Variants in PXDNL observed in about 807,000 individuals in gnomAD.
PXDNL encodes peroxidasin like.
PXDNL carries 145 observed loss-of-function variants against 150.8 expected under a neutral mutation model. That is an observed-to-expected ratio of 0.96 (90% CI 0.84 to 1.10). The LOEUF (loss-of-function observed/expected upper bound fraction) is 1.10. PXDNL is among the 50% of genes least tolerant of loss of function. The probability of loss-of-function intolerance (pLI) is 0.00; values close to 1 mark genes in which losing one functional copy is unlikely to be tolerated. For synonymous variants in PXDNL, 757 were observed against 725.7 expected (o/e 1.04, Z -0.69); for missense variants, 2,087 against 1,873.9 (o/e 1.11, Z -2.10).
chr8:51,392,581 A>G (rs1202395835), intron 17 of PXDNL, among the ~76,000 whole-genome samples: 1 of 152,168 alleles, frequency 6.6e-6, no homozygotes, highest in East Asian at 1.9e-4. Flanking sequence ...ATTTTTGTAC[A>G]TTGATTTTGT....
At chr8:51,567,635 T>C (rs57096501) in intron 3 of PXDNL, among the ~76,000 whole-genome samples, 10,779 of 151,846 alleles carry the variant, frequency 0.071, 984 homozygotes, top group African/African-American at 0.22. Context: ...CTCCATCTCT[T>C]TATTTTTAAT....
At chr8:51,746,848 A>G (rs1330005543) in intron 1 of PXDNL, among the ~76,000 whole-genome samples, 1 of 152,142 alleles carries the variant, frequency 6.6e-6, no homozygotes, top group Non-Finnish European at 1.5e-5. Context: ...CAGCCTCCCA[A>G]GTAGCTGGGA....
intron 3 of PXDNL, among the ~76,000 whole-genome samples, chr8:51,576,378 A>G (rs1813054906): frequency 6.6e-6 from 1 of 151,962 alleles, no homozygotes; most frequent in Admixed American, 6.6e-5. Context: ...AAAAGATAAC[A>G]GGAGAATATC....
intron 2 of PXDNL, among the ~76,000 whole-genome samples, chr8:51,614,148 A>G (rs1228039570): frequency 6.6e-6 from 1 of 152,246 alleles, no homozygotes; most frequent in East Asian, 1.9e-4. Context: ...AGAATCTAAG[A>G]ATCTAAGAGC....
intron 3 of PXDNL, among the ~76,000 whole-genome samples, chr8:51,581,140 T>C (rs1813202415): frequency 6.6e-6 from 1 of 152,022 alleles, no homozygotes; most frequent in Non-Finnish European, 1.5e-5. Context: ...GGAAAAGAAA[T>C]CTTGTAGCCT....
chr8:51,485,824 A>C (rs2130185577), intron 5 of PXDNL, among the ~76,000 whole-genome samples: 1 of 152,286 alleles, frequency 6.6e-6, no homozygotes, highest in East Asian at 1.9e-4. Context: ...TTGTTGAATA[A>C]CCTTTTCTTC....
chr8:51,591,518 T>C (rs1268985325), intron 3 of PXDNL, among the ~76,000 whole-genome samples: 1 of 132,086 alleles, frequency 7.6e-6, no homozygotes, highest in African/African-American at 2.6e-5. Context: ...GAGCTAAAGA[T>C]TGGAATGGTG....
rs767952702 is a variant in PXDNL at position 51,408,836 on chromosome 8, C to T, written c.2788G>A (p.Gly930Arg). Residue 930 changes from glycine to arginine, a missense_variant, in exon 17 of 23, where the codon GGA becomes AGA. By Grantham distance (125) the Gly-to-Arg change is moderately radical. Transcript: ENST00000356297. ...LKTGFPWPPS[G>R]KPLLPFSTGP... ...GTAGAAAAGGGCAATAAGGGCTTTC[C>T]GGAGGGAGGCCAAGGAAAGCCTGTC... 7 of 1,573,720 alleles carry T rather than the reference C, an allele frequency of 4.4e-6. No homozygotes were observed. In the Admixed American group the frequency reaches 1.1e-4, roughly 25 times the overall value.
At chr8:51,507,604 C>A (rs926514808) in intron 4 of PXDNL, among the ~76,000 whole-genome samples, 1 of 152,180 alleles carries the variant, frequency 6.6e-6, no homozygotes, top group Non-Finnish European at 1.5e-5. Flanking sequence ...ACATTGCCAG[C>A]AGCTATGCAA....
At chr8:51,429,062 A>T (rs1328960015) in intron 12 of PXDNL, among the ~76,000 whole-genome samples, 1 of 75,056 alleles carries the variant, frequency 1.3e-5, no homozygotes, top group Admixed American at 1.6e-4. Flanking sequence ...ACAGATGGCA[A>T]GTCAGCATAT....
chr8:51,793,356 G>A (rs756981265), intron 1 of PXDNL, among the ~76,000 whole-genome samples: 1 of 152,140 alleles, frequency 6.6e-6, no homozygotes, highest in Non-Finnish European at 1.5e-5. Context: ...ATCAAAACCA[G>A]ATAATATCAC....
chr8:51,320,797 T>C lies in PXDNL; in HGVS notation c.4247A>G (p.His1416Arg). ...CGCAGCACAAACCTCACAAATGCAG[T>C]GAGTGCAGTCTTCTTTCATCCAGCG... The part of the protein sequence containing the change: ...EERWMKEDCT[H>R]CICESGQVTC... The change falls in exon 22 of 23, where the codon CAC (histidine) becomes CGC (arginine). Residue 1416 changes from histidine to arginine, a missense_variant. Transcript: ENST00000356297. 6.2e-7 allele frequency: 1 copy of C among 1,612,900 alleles called. No homozygotes were observed. Among genetic ancestry groups the C allele is most frequent in the South Asian group, 1.1e-5 (1 of 91,018 alleles).
At chr8:51,452,199 C>A (rs1408348620) in intron 10 of PXDNL, among the ~76,000 whole-genome samples, 1 of 152,194 alleles carries the variant, frequency 6.6e-6, no homozygotes, top group Non-Finnish European at 1.5e-5. Context: ...AGACATTGAA[C>A]ACAAAATGAT....
chr8:51,642,219 G>A (rs1469088780), intron 2 of PXDNL, among the ~76,000 whole-genome samples: 1 of 144,318 alleles, frequency 6.9e-6, no homozygotes, highest in Non-Finnish European at 1.5e-5. Flanking sequence ...GGTGGAGGGA[G>A]GGGGGAGGGA....
At chr8:51,338,305 A>G (rs997025408) in intron 21 of PXDNL, among the ~76,000 whole-genome samples, 12 of 152,182 alleles carry the variant, frequency 7.9e-5, no homozygotes, top group Admixed American at 4.6e-4. Flanking sequence ...TAGCTTCCCA[A>G]TGTGAGCCTC....
intron 1 of PXDNL, among the ~76,000 whole-genome samples, chr8:51,754,604 T>C (rs894007078): frequency 6.6e-6 from 1 of 151,968 alleles, no homozygotes; most frequent in Non-Finnish European, 1.5e-5. Context: ...CCTGGGTTCA[T>C]TCCATTCTCC....
intron 17 of PXDNL, among the ~76,000 whole-genome samples, chr8:51,403,073 G>A (rs544194524): frequency 2.2e-5 from 3 of 135,804 alleles, no homozygotes; most frequent in Admixed American, 1.6e-4. Flanking sequence ...AGGCGATAGA[G>A]CCAAACTCCC....
chr8:51,746,304 A>G (rs1160170700), intron 1 of PXDNL, among the ~76,000 whole-genome samples: 3 of 152,204 alleles, frequency 2.0e-5, no homozygotes, highest in African/African-American at 7.2e-5. Context: ...TCTCCAAGAC[A>G]TTGCCCTAGA....
At chr8:51,463,627 C>T (rs889398922) in intron 8 of PXDNL, among the ~76,000 whole-genome samples, 2 of 152,158 alleles carry the variant, frequency 1.3e-5, no homozygotes, top group African/African-American at 4.8e-5. Context: ...TGATAGATAG[C>T]TACAGAACAC....
Sources: gnomAD v4.1 joint callset for allele counts (sites outside exome capture counted in the v4.1 genomes callset) on GRCh38, gnomAD v4.1.1 for gene constraint, MANE v1.5 for transcripts, NCBI Gene and HGNC (gene_info 2026-07-23, HGNC 2026-07-21) for gene names.